Variants in MAGI2 observed in about 807,000 individuals in gnomAD.
MAGI2 encodes the protein membrane associated guanylate kinase, WW and PDZ domain containing 2.
In MAGI2, 35 loss-of-function variants were observed where a neutral mutation model predicts 133.3. The ratio of observed to expected loss-of-function variants is 0.26; its 90% CI spans 0.20 to 0.35. MAGI2 has a LOEUF of 0.35. Ranked by LOEUF, MAGI2 falls within the 10% of genes least tolerant of loss-of-function variation. MAGI2 has a pLI of 1.00. For synonymous variants in MAGI2, 729 were observed against 710.6 expected (o/e 1.03, Z -0.41); for missense variants, 1,636 against 1,863.4 (o/e 0.88, Z 2.25).
intron 6 of MAGI2, among the ~76,000 whole-genome samples, chr7:78,443,653 G>A (rs7802215): frequency 0.75 from 113,780 of 151,990 alleles, 43,334 homozygotes; most frequent in East Asian, 0.86. Flanking sequence ...AAATCACTAG[G>A]TATCTTCTGA....
chr7:78,619,345 A>C (rs1328324766), intron 3 of MAGI2, among the ~76,000 whole-genome samples: 2 of 151,812 alleles, frequency 1.3e-5, no homozygotes, highest in Admixed American at 1.3e-4. Flanking sequence ...TGAGAGAGTC[A>C]AAGAAGTGAA....
intron 1 of MAGI2, among the ~76,000 whole-genome samples, chr7:79,339,956 A>G (rs569041729): frequency 4.6e-5 from 7 of 152,228 alleles, no homozygotes; most frequent in Admixed American, 1.3e-4. Context: ...TTGCTAGAAT[A>G]TGTCTTAAGT....
chr7:78,185,474 A>G (rs529931185), intron 13 of MAGI2, 155 bp downstream of exon 13: 1 of 459,394 alleles, frequency 2.2e-6, no homozygotes, highest in East Asian at 3.4e-5. Context: ...CACCATGATG[A>G]GACTTGCTGT....
intron 6 of MAGI2, among the ~76,000 whole-genome samples, chr7:78,479,282 G>A (rs1201228982): frequency 1.3e-5 from 2 of 151,856 alleles, no homozygotes; most frequent in South Asian, 2.1e-4. Context: ...ACCAAATAAT[G>A]TTTGCTCTAT....
chr7:78,205,466 G>A (rs1476203325), intron 10 of MAGI2, among the ~76,000 whole-genome samples: 6 of 152,108 alleles, frequency 3.9e-5, no homozygotes, highest in African/African-American at 1.4e-4. Flanking sequence ...CAGAAATATG[G>A]TTGCCAGATA....
intron 1 of MAGI2, among the ~76,000 whole-genome samples, chr7:79,138,892 C>G (rs565050862): frequency 6.9e-6 from 1 of 145,746 alleles, no homozygotes; most frequent in African/African-American, 2.5e-5. Flanking sequence ...TGTAGAATGG[C>G]GTGAACCCGG....
chr7:78,359,928 G>C (rs62461472), intron 7 of MAGI2, among the ~76,000 whole-genome samples: 48,656 of 152,006 alleles, frequency 0.32, 8,366 homozygotes, highest in Middle Eastern at 0.45. Flanking sequence ...GCACTAACCT[G>C]TAAATTCAAA....
At chr7:78,651,812 T>C (rs1364577184) in intron 2 of MAGI2, among the ~76,000 whole-genome samples, 1 of 152,088 alleles carries the variant, frequency 6.6e-6, no homozygotes. Flanking sequence ...GTAATTTTGA[T>C]GTGGAACATA....
intron 1 of MAGI2, among the ~76,000 whole-genome samples, chr7:79,315,664 G>A (rs2129561122): frequency 6.6e-6 from 1 of 152,166 alleles, no homozygotes; most frequent in South Asian, 2.1e-4. Flanking sequence ...GTATAAGCAG[G>A]ATGCCCACAG....
chr7:78,340,262 G>A (rs548108092), intron 9 of MAGI2, among the ~76,000 whole-genome samples: 1 of 144,106 alleles, frequency 6.9e-6, no homozygotes, highest in Admixed American at 7.0e-5. Context: ...AGTATTCTAA[G>A]GAATTTAAAA....
Position 78,873,376 on chromosome 7 carries a change from C to T in MAGI2, c.418+133714G>A, listed in dbSNP as rs904142525. 2.6e-5 allele frequency among the ~76,000 whole-genome samples: 4 copies of T among 152,156 alleles called. No homozygotes were observed. The South Asian group carries it at 6.2e-4, about 24-fold the overall frequency. ...ATTTACAGCCACTTCCCATCGCTGG[C>T]ATTACTCCCTGACCTCCATCTCCTG... On this transcript the variant is annotated intron_variant, in intron 2 of 21. Transcript: ENST00000354212.
intron 3 of MAGI2, among the ~76,000 whole-genome samples, chr7:78,611,095 T>C (rs1289634057): frequency 2.6e-5 from 4 of 152,296 alleles, no homozygotes; most frequent in South Asian, 4.1e-4. Context: ...AGATTGTGTA[T>C]GCAAAGTATC....
intron 20 of MAGI2, among the ~76,000 whole-genome samples, chr7:78,084,754 G>A (rs1816433604): frequency 1.3e-5 from 2 of 152,238 alleles, no homozygotes; most frequent in Non-Finnish European, 2.9e-5. Context: ...TGCTGCTGCA[G>A]TCATTGTTAT....
At chr7:78,763,317 C>A (rs1177591330) in intron 2 of MAGI2, among the ~76,000 whole-genome samples, 1 of 152,142 alleles carries the variant, frequency 6.6e-6, no homozygotes, top group African/African-American at 2.4e-5. Context: ...CTTGCATGCA[C>A]AATGAGACTG....
intron 6 of MAGI2, chr7:78,487,305 T>G (rs1793137340): frequency 5.2e-6 from 1 of 192,108 alleles, no homozygotes; most frequent in South Asian, 1.2e-4. Context: ...TGGAACAACA[T>G]GTGGTCCTGG....
chr7:78,271,503 T>C (rs1227540196), intron 9 of MAGI2, among the ~76,000 whole-genome samples: 1 of 152,180 alleles, frequency 6.6e-6, no homozygotes, highest in Non-Finnish European at 1.5e-5. Flanking sequence ...CTTTTTCTGT[T>C]GTTTGGGATA....
chr7:78,197,170 T>G (rs367981486), intron 11 of MAGI2, among the ~76,000 whole-genome samples: 26 of 152,366 alleles, frequency 1.7e-4, no homozygotes, highest in African/African-American at 5.3e-4. Flanking sequence ...TGGGTTTCCT[T>G]GGTCATCCAT....
chr7:78,571,311 T>C (rs1261015939), intron 3 of MAGI2, among the ~76,000 whole-genome samples: 3 of 152,208 alleles, frequency 2.0e-5, no homozygotes, highest in African/African-American at 7.2e-5. Flanking sequence ...GGGGCCTCTT[T>C]GGCTCCTGTT....
intron 2 of MAGI2, among the ~76,000 whole-genome samples, chr7:78,716,510 G>A (rs1585176395): frequency 1.3e-5 from 2 of 152,160 alleles, no homozygotes; most frequent in East Asian, 3.9e-4. Flanking sequence ...AAAGAAGAAA[G>A]GAAAGGCAGA....
Sources: allele counts gnomAD v4.1 joint callset (sites outside exome capture counted in the v4.1 genomes callset), GRCh38; gene constraint gnomAD v4.1.1; transcripts MANE v1.5; gene names NCBI Gene and HGNC (gene_info 2026-07-23, HGNC 2026-07-21).